The following ADPRM variants were observed in gnomAD, a reference collection of about 807,000 sequenced individuals.
ADPRM encodes the protein manganese-dependent ADP-ribose/CDP-alcohol diphosphatase.
ADPRM carries 17 observed loss-of-function variants against 27.2 expected under a neutral mutation model. The ratio of observed to expected loss-of-function variants is 0.63; its 90% CI spans 0.43 to 0.94. The LOEUF (loss-of-function observed/expected upper bound fraction) is 0.94. Among genes scored for constraint, ADPRM ranks in the 40% least tolerant of loss-of-function variants. The pLI is 0.00. For missense variants in ADPRM, 337 were observed against 412.8 expected, an observed-to-expected ratio of 0.82 and a Z score of 1.59; for synonymous variants, 135 against 145.3, an observed-to-expected ratio of 0.93 and a Z score of 0.51.
At position 10,705,711 on chromosome 17, in the gene ADPRM, T is replaced by C. The variant is rs543758797; in HGVS notation, c.601+184T>C. The C allele has an allele frequency of 1.4e-5, 14 of 1,002,128 alleles. No individual in the cohort carries two copies. Among genetic ancestry groups the C allele is most frequent in the Admixed American group, 8.9e-5 (3 of 33,768 alleles). 62.1% of individuals were successfully genotyped at this position (1,002,128 alleles called of 1,614,324 possible). ...TGATTCAAGATTGATTTAACAGATA[T>C]TTTAAATGCCTATTTTAGGCCAGGC... On this transcript the variant is annotated intron_variant, in intron 2 of 3. Transcript: ENST00000379774. This position sits in a 1 kb window ranked among gnomAD's most constrained non-coding sequence, Gnocchi z 5.4.
chr17:10,697,772 G>A, intron 1 of ADPRM, 105 bp downstream of exon 1: 1 of 526,524 alleles, frequency 1.9e-6, no homozygotes, highest in Non-Finnish European at 3.4e-6. Flanking sequence ...TAGGGGTCCA[G>A]GTGCGCGGCT....
chr17:10,709,260 C>G (rs1251112784), intron 3 of ADPRM, among the ~76,000 whole-genome samples: 1 of 152,064 alleles, frequency 6.6e-6, no homozygotes, highest in Non-Finnish European at 1.5e-5. Context: ...TTTCAGATGC[C>G]TACTAGACAT....
At chr17:10,698,797 T>C (rs1217803811) in intron 1 of ADPRM, among the ~76,000 whole-genome samples, 1 of 152,276 alleles carries the variant, frequency 6.6e-6, no homozygotes, top group African/African-American at 2.4e-5. Context: ...ATCAAACTAT[T>C]TTTTTCTATC....
Position 10,705,341 on chromosome 17 carries a change from C to T in ADPRM, c.415C>T (p.Pro139Ser), listed in dbSNP as rs376596572. 4 of 1,613,954 alleles carry T rather than the reference C, an allele frequency of 2.5e-6. No individual in the cohort carries two copies. The highest frequency in any genetic ancestry group is 3.4e-6 in the Non-Finnish European group (4 of 1,179,950). Residue 139 changes from proline (P) to serine (S), a missense_variant, in exon 2 of 4, where the codon CCT (proline) becomes TCT (serine). Coordinates refer to ENST00000379774, the MANE Select transcript of ADPRM (RefSeq NM_020233.5). This position sits in a 1 kb window ranked among gnomAD's most constrained non-coding sequence, Gnocchi z 5.4. ...TCTAGAAGATCAGATTGTACATCAT[C>T]CTGAGACCATGCCTTCAGAAGATTA... Reference protein sequence around the residue: ...KFLEDQIVHHPETMPSEDYYA... With the variant: ...KFLEDQIVHHSETMPSEDYYA...
In ADPRM at chr17:10,706,427, A is replaced by T. The variant is rs1194952398; in HGVS notation, c.602-11A>T. The stretch of plus-strand genomic sequence containing the variant: ...TGACTTGATGGGGCTAACTTACTGA[A>T]TTCATTTCAGGACTTTCTGAGCCCC... On this transcript the variant is annotated splice_polypyrimidine_tract_variant and intron_variant, in intron 2 of 3. Coordinates refer to ENST00000379774, the MANE Select transcript of ADPRM (RefSeq NM_020233.5). The T allele has an allele frequency of 6.3e-7, 1 of 1,580,482 alleles. No homozygotes were observed.
At chr17:10,700,870 GTAAA>G (rs1169430773) in intron 1 of ADPRM, among the ~76,000 whole-genome samples, 1 of 151,686 alleles carries the variant, frequency 6.6e-6, no homozygotes, top group Non-Finnish European at 1.5e-5. Context: ...AGCAACTCTT[GTAAA>G]CTTTTCTACA....
rs549914615 is a variant in ADPRM at position 10,697,685 on chromosome 17, G to A, written c.-18+18G>A. On this transcript the variant is annotated intron_variant, in intron 1 of 3. Coordinates refer to ENST00000379774, the MANE Select transcript of ADPRM (RefSeq NM_020233.5). ...GGCGCACGGTAGGTAGTTCCCTGCG[G>A]CTGGAGGCGGGTCTGGCGCGGGCTG... The A allele has an allele frequency of 5.7e-4, 457 of 797,390 alleles. 7 individuals are homozygous for A. In the South Asian group the frequency reaches 7.1e-3, roughly 12 times the overall value. 49.4% of individuals were successfully genotyped at this position (797,390 alleles called of 1,614,324 possible).
chr17:10,709,567 C>G (rs1277873590), intron 3 of ADPRM, among the ~76,000 whole-genome samples: 1 of 151,996 alleles, frequency 6.6e-6, no homozygotes, highest in Non-Finnish European at 1.5e-5. Flanking sequence ...ACAGTGGTGT[C>G]CTGGAATCCA....
chr17:10,707,467 A>T (rs1440014238), intron 3 of ADPRM, among the ~76,000 whole-genome samples: 1 of 152,248 alleles, frequency 6.6e-6, no homozygotes, highest in Non-Finnish European at 1.5e-5. Flanking sequence ...GGTTGCAATC[A>T]GCTTATAAAG....
At position 10,708,450 on chromosome 17, in the gene ADPRM, A is replaced by AAAAAAAAAAC. The variant is rs57337863; in HGVS notation, c.718+1896_718+1897insAAAAAAAAAC. On this transcript the variant is annotated intron_variant, in intron 3 of 3. Coordinates refer to ENST00000379774, the MANE Select transcript of ADPRM (RefSeq NM_020233.5). ...GTCTCAAAAAAAAAAAAAAAAAAAA[A>AAAAAAAAAAC]CCTTTGAAAATGATAGGCTATTCAG... Among the ~76,000 whole-genome samples, 193 of 118,906 alleles carry AAAAAAAAAAC rather than the reference A, an allele frequency of 1.6e-3. 11 individuals are homozygous for AAAAAAAAAAC. Among genetic ancestry groups the AAAAAAAAAAC allele is most frequent in the African/African-American group, 3.8e-3 (110 of 28,642 alleles). The allele number at this position is 118,906 out of a possible 152,430, so 78.0% of individuals were successfully genotyped here.
rs2074808248 is a variant in ADPRM, at chr17:10,705,685, T to C, written c.601+158T>C. 1 of 1,199,290 alleles carries C rather than the reference T, an allele frequency of 8.3e-7. No individual in the cohort carries two copies. The highest frequency in any genetic ancestry group is 2.9e-5 in the Admixed American group (1 of 34,872). 74.3% of individuals were successfully genotyped at this position (1,199,290 alleles called of 1,614,324 possible). On this transcript the variant is annotated intron_variant, in intron 2 of 3. Coordinates refer to ENST00000379774, the MANE Select transcript of ADPRM (RefSeq NM_020233.5). The surrounding 1 kb of genome is among the most constrained non-coding windows in gnomAD (Gnocchi z 5.4). ...GCCTTCTCACATGGATTGGTTACAG[T>C]TGATTCAAGATTGATTTAACAGATA...
At position 10,705,219 on chromosome 17, in the gene ADPRM, A is replaced by G. The variant is rs201484409; in HGVS notation, c.293A>G (p.Lys98Arg). 7.4e-6 allele frequency: 12 copies of G among 1,614,024 alleles called. No individual in the cohort carries two copies. Among genetic ancestry groups the G allele is most frequent in the Non-Finnish European group, 1.0e-5 (12 of 1,180,020 alleles). Reference protein sequence around the residue: ...KSLELVMDMFKRLKVPVHHTW... With the variant: ...KSLELVMDMFRRLKVPVHHTW... ...CTAGAACTTGTTATGGACATGTTCAAGAGGCTTAAAGTTCCAGTTCATCAT... is the reference window on the plus strand; with the variant it reads ...CTAGAACTTGTTATGGACATGTTCAGGAGGCTTAAAGTTCCAGTTCATCAT... The change falls in exon 2 of 4, where the codon AAG becomes AGG. Residue 98 changes from lysine (K) to arginine (R), a missense_variant. By Grantham distance (26) the Lys-to-Arg change is conservative. Transcript: ENST00000379774. This position sits in a 1 kb window ranked among gnomAD's most constrained non-coding sequence, Gnocchi z 5.4.
At chr17:10,704,849 T>C in intron 1 of ADPRM, 61 bp from the exon 2 acceptor site, 1 of 1,334,978 alleles carries the variant, frequency 7.5e-7, no homozygotes. Flanking sequence ...ATCATTTTCT[T>C]AAGTGAAATT....
At chr17:10,704,059 C>G (rs2074796485) in intron 1 of ADPRM, among the ~76,000 whole-genome samples, 1 of 151,884 alleles carries the variant, frequency 6.6e-6, no homozygotes, top group Admixed American at 6.6e-5. Context: ...AATTAGGATC[C>G]AGGGCTGGGT....
intron 2 of ADPRM, 56 bp from the exon 3 acceptor site, chr17:10,706,382 T>G: frequency 7.4e-6 from 9 of 1,212,900 alleles, no homozygotes; most frequent in Non-Finnish European, 9.5e-6. Context: ...TAAATTTGAA[T>G]GTCCAAATGA....
In ADPRM at chr17:10,705,727, T is replaced by C. The variant is rs776578392; in HGVS notation, c.601+200T>C. ...TAACAGATATTTTAAATGCCTATTT[T>C]AGGCCAGGCACTTTTTCTAGGGGTA... On this transcript the variant is annotated intron_variant, in intron 2 of 3. Coordinates refer to ENST00000379774, the MANE Select transcript of ADPRM (RefSeq NM_020233.5). This position sits in a 1 kb window ranked among gnomAD's most constrained non-coding sequence, Gnocchi z 5.4. 7.2e-6 allele frequency: 6 copies of C among 835,050 alleles called. No individual in the cohort carries two copies. Among genetic ancestry groups the C allele is most frequent in the Non-Finnish European group, 1.1e-5 (6 of 561,382 alleles). 51.7% of individuals were successfully genotyped at this position (835,050 alleles called of 1,614,324 possible).
At position 10,700,882 on chromosome 17, in the gene ADPRM, A is replaced by G. The variant is rs568053870; in HGVS notation, c.-18+3215A>G. Among the ~76,000 whole-genome samples the G allele has an allele frequency of 3.3e-5, 5 of 152,244 alleles. No homozygotes were observed. The South Asian group carries it at 1.0e-3, about 32-fold the overall frequency. ...GAGAGCAACTCTTGTAAACTTTTCT[A>G]CATTATTCTCTTCTATTAAAATGTT... On this transcript the variant is annotated intron_variant, in intron 1 of 3. Coordinates refer to ENST00000379774, the MANE Select transcript of ADPRM (RefSeq NM_020233.5).
At chr17:10,700,293 A>G (rs953769260) in intron 1 of ADPRM, among the ~76,000 whole-genome samples, 1 of 152,222 alleles carries the variant, frequency 6.6e-6, no homozygotes, top group Non-Finnish European at 1.5e-5. Flanking sequence ...GCTTTCCACA[A>G]GGAACTTCAG....
At chr17:10,698,698 A>G (rs149876993) in intron 1 of ADPRM, among the ~76,000 whole-genome samples, 75 of 152,322 alleles carry the variant, frequency 4.9e-4, no homozygotes, top group Admixed American at 8.5e-4. Flanking sequence ...ACATAGTGTT[A>G]CCTGTGTTTC....
Sources: gnomAD v4.1 joint callset for allele counts (sites outside exome capture counted in the v4.1 genomes callset) on GRCh38, gnomAD v4.1.1 for gene constraint, Gnocchi (gnomAD v3.1) non-coding constraint, MANE v1.5 for transcripts, NCBI Gene and HGNC (gene_info 2026-07-23, HGNC 2026-07-21) for gene names.